LPCAT2: variants seen among roughly 807,000 people sequenced by gnomAD.
LPCAT2 encodes the protein 1-AGP acyltransferase 11.
Under a neutral mutation model 64.7 loss-of-function variants are expected in LPCAT2, and 58 were observed. The observed-to-expected ratio is 0.90, with a 90% CI of 0.73 to 1.12. LPCAT2 has a LOEUF of 1.12. Ranked by LOEUF, LPCAT2 falls within the 50% of genes most tolerant of loss-of-function variation. The pLI is 0.00. For synonymous variants in LPCAT2, 252 were observed against 245.3 expected, an observed-to-expected ratio of 1.03 and a Z score of -0.26; for missense variants, 579 against 669.8, an observed-to-expected ratio of 0.86 and a Z score of 1.50.
intron 1 of LPCAT2, among the ~76,000 whole-genome samples, 181 bp downstream of exon 1, chr16:55,509,533 G>C (rs1962894465): frequency 2.0e-5 from 3 of 151,276 alleles, no homozygotes; most frequent in Non-Finnish European, 4.4e-5. Context: ...GGGGGCATGG[G>C]TCTGAGGAGG....
chr16:55,538,311 C>T (rs190386958), intron 8 of LPCAT2: 2 of 152,034 alleles, frequency 1.3e-5, no homozygotes, highest in East Asian at 3.9e-4. Flanking sequence ...AGGTAGTCTC[C>T]GAAGAGAGAT....
chr16:55,558,285 G>C (rs752009969), intron 11 of LPCAT2, among the ~76,000 whole-genome samples: 10 of 152,330 alleles, frequency 6.6e-5, no homozygotes, highest in Non-Finnish European at 1.3e-4. Flanking sequence ...TAAATCAGAA[G>C]TAATTATAGC....
At chr16:55,521,352 A>G (rs1033595307) in intron 1 of LPCAT2, among the ~76,000 whole-genome samples, 27 of 151,808 alleles carry the variant, frequency 1.8e-4, no homozygotes, top group Non-Finnish European at 3.8e-4. Context: ...TATACATTTA[A>G]AGAAAACGTT....
rs79158880 is a variant in LPCAT2 at position 55,523,551 on chromosome 16, G to A, written c.172-1957G>A. On this transcript the variant is annotated intron_variant, in intron 1 of 13. Coordinates refer to ENST00000262134, the MANE Select transcript of LPCAT2 (RefSeq NM_017839.5). ...CCAAATGCCCATGAACAAGTAAATAGATAGATCATGATATATTCATACAAT... is the reference window on the plus strand; with the variant it reads ...CCAAATGCCCATGAACAAGTAAATAAATAGATCATGATATATTCATACAAT... 2.7e-3 allele frequency among the ~76,000 whole-genome samples: 413 copies of A among 151,800 alleles called. 10 individuals are homozygous for A. The South Asian group carries it at 0.05, about 18-fold the overall frequency.
intron 11 of LPCAT2, among the ~76,000 whole-genome samples, chr16:55,562,551 AAATAT>A (rs201274186): frequency 0.011 from 1,719 of 152,054 alleles, 33 homozygotes; most frequent in African/African-American, 0.035. Context: ...ATATATATAC[AAATAT>A]AATAGATTAG....
Position 55,585,174 on chromosome 16 carries a change from C to A in LPCAT2, c.*2076C>A, listed in dbSNP as rs1963930992. 3 of 152,066 alleles carry A rather than the reference C, an allele frequency of 2.0e-5. No homozygotes were observed. The South Asian group carries it at 6.2e-4, about 31-fold the overall frequency. 9.4% of individuals were successfully genotyped at this position (152,066 alleles called of 1,614,324 possible). On this transcript the variant is annotated 3_prime_UTR_variant, in exon 14 of 14. Transcript: ENST00000262134. ...ATAAACAAACTTGCTACATAAAATT[C>A]TTAGCAATTAAAAAAATTCTGATTC...
At chr16:55,568,978 C>G (rs1395991838) in intron 11 of LPCAT2, among the ~76,000 whole-genome samples, 1 of 152,212 alleles carries the variant, frequency 6.6e-6, no homozygotes, top group Non-Finnish European at 1.5e-5. Flanking sequence ...TAATTGGTCT[C>G]TACCCATTCT....
chr16:55,556,747 C>CA (rs1361262800), intron 11 of LPCAT2, among the ~76,000 whole-genome samples: 85 of 147,482 alleles, frequency 5.8e-4, no homozygotes, highest in Middle Eastern at 3.4e-3. Flanking sequence ...GACTCCGTCT[C>CA]AAAAAAAAAA....
chr16:55,541,137 A>G (rs909423186), intron 8 of LPCAT2: 1 of 152,146 alleles, frequency 6.6e-6, no homozygotes, highest in Admixed American at 6.5e-5. Context: ...TTGGTAACTG[A>G]AACCACGGAA....
At chr16:55,517,197 A>G (rs1404705392) in intron 1 of LPCAT2, among the ~76,000 whole-genome samples, 1 of 152,210 alleles carries the variant, frequency 6.6e-6, no homozygotes, top group Non-Finnish European at 1.5e-5. Flanking sequence ...AAAAAGGATT[A>G]TAAGGAATTA....
intron 11 of LPCAT2, chr16:55,567,567 C>G: frequency 2.0e-6 from 3 of 1,520,606 alleles, no homozygotes; most frequent in Non-Finnish European, 2.7e-6. Context: ...CCAAGCTGTA[C>G]ACAGTTGCTG....
chr16:55,575,797 TG>T (rs1189562966), intron 12 of LPCAT2, among the ~76,000 whole-genome samples: 1 of 152,244 alleles, frequency 6.6e-6, no homozygotes, highest in African/African-American at 2.4e-5. Flanking sequence ...TATTTCAGAT[TG>T]GTTTAAACTG....
intron 8 of LPCAT2, chr16:55,541,865 A>G: frequency 7.8e-7 from 1 of 1,287,592 alleles, no homozygotes; most frequent in Non-Finnish European, 1.0e-6. Flanking sequence ...GGAAGGAAGC[A>G]GCAAGCATTG....
intron 11 of LPCAT2, among the ~76,000 whole-genome samples, chr16:55,556,104 C>G (rs1435797506): frequency 1.3e-5 from 2 of 152,152 alleles, no homozygotes; most frequent in Non-Finnish European, 2.9e-5. Flanking sequence ...TGTGAGTTAC[C>G]ACACCAGCCA....
At chr16:55,547,869 G>A (rs1216988546) in intron 9 of LPCAT2, among the ~76,000 whole-genome samples, 1 of 152,100 alleles carries the variant, frequency 6.6e-6, no homozygotes, top group Non-Finnish European at 1.5e-5. Flanking sequence ...CTGGGTTCAA[G>A]TGATTCTCCT....
chr16:55,529,802 T>C, intron 3 of LPCAT2, 33 bp from the exon 4 acceptor site: 1 of 1,419,726 alleles, frequency 7.0e-7, no homozygotes, highest in South Asian at 1.3e-5. Flanking sequence ...AGCCAAAAAA[T>C]GGCTTGCCTG....
intron 11 of LPCAT2, among the ~76,000 whole-genome samples, chr16:55,573,526 C>T (rs1309601165): frequency 6.6e-6 from 1 of 152,018 alleles, no homozygotes; most frequent in South Asian, 2.1e-4. Flanking sequence ...TTATCATACT[C>T]TTGTTGTGTC....
At chr16:55,542,056 T>A in intron 8 of LPCAT2, 1 of 967,700 alleles carries the variant, frequency 1.0e-6, no homozygotes, top group Non-Finnish European at 1.3e-6. Flanking sequence ...ATCATTTTTT[T>A]AGTAGAAAGG....
At chr16:55,529,455 T>G (rs1450305518) in intron 3 of LPCAT2, among the ~76,000 whole-genome samples, 1 of 152,220 alleles carries the variant, frequency 6.6e-6, no homozygotes, top group Non-Finnish European at 1.5e-5. Context: ...TGCAGTATTA[T>G]GAGTAATGGT....
Sources: allele counts gnomAD v4.1 joint callset (sites outside exome capture counted in the v4.1 genomes callset), GRCh38; gene constraint gnomAD v4.1.1; transcripts MANE v1.5; gene names NCBI Gene and HGNC (gene_info 2026-07-23, HGNC 2026-07-21).